Variants in FTCDNL1 observed in about 807,000 individuals in gnomAD.
FTCDNL1 encodes formiminotransferase N-terminal subdomain-containing protein.
A neutral mutation model predicts 5.9 loss-of-function variants in FTCDNL1; 11 were observed. That is an observed-to-expected ratio of 1.87 (90% CI 1.18 to 3.10). The LOEUF (loss-of-function observed/expected upper bound fraction) is 3.10, where lower values mean the gene tolerates loss of function less well. Among genes scored for constraint, FTCDNL1 ranks in the 30% most tolerant of loss-of-function variants. FTCDNL1 has a pLI of 0.00. For synonymous variants in FTCDNL1, 58 were observed against 24.8 expected (o/e 2.34, Z -3.99); for missense variants, 115 against 65.5 (o/e 1.76, Z -2.61).
At chr2:199,799,842 T>A (rs1218994158) in intron 3 of FTCDNL1, among the ~76,000 whole-genome samples, 1 of 152,138 alleles carries the variant, frequency 6.6e-6, no homozygotes, top group Non-Finnish European at 1.5e-5. Context: ...GACCCTTCCT[T>A]TGCTGAGCAG....
intron 3 of FTCDNL1, among the ~76,000 whole-genome samples, chr2:199,778,037 G>A (rs562119408): frequency 6.6e-6 from 1 of 152,260 alleles, no homozygotes; most frequent in African/African-American, 2.4e-5. Flanking sequence ...ATTAACCAAA[G>A]TAGGTTTGAC....
At chr2:199,734,700 A>T in the FTCDNL1 span, among the ~76,000 whole-genome samples, 1 of 152,214 alleles carries the variant, frequency 6.6e-6, no homozygotes, top group South Asian at 2.1e-4. Context: ...GGTTCCTGAG[A>T]ATACAGAATT....
chr2:199,764,776 C>T (rs1329418789), intron 3 of FTCDNL1, among the ~76,000 whole-genome samples: 1 of 152,132 alleles, frequency 6.6e-6, no homozygotes, highest in Non-Finnish European at 1.5e-5. Flanking sequence ...ACCTGGAATC[C>T]AGATGAGCTT....
chr2:199,689,536 T>C, the FTCDNL1 span, among the ~76,000 whole-genome samples: 4 of 152,304 alleles, frequency 2.6e-5, no homozygotes, highest in Admixed American at 2.6e-4. Context: ...TCCATTGAAC[T>C]ACAGAAACAG....
chr2:199,679,849 A>G, the FTCDNL1 span, among the ~76,000 whole-genome samples: 1 of 152,260 alleles, frequency 6.6e-6, no homozygotes, highest in South Asian at 2.1e-4. Context: ...TTACTACTAA[A>G]TTATTACTTT....
chr2:199,687,360 C>A, the FTCDNL1 span, among the ~76,000 whole-genome samples: 1 of 152,174 alleles, frequency 6.6e-6, no homozygotes. Context: ...ACACTTGCAA[C>A]ATACCAATGT....
the FTCDNL1 span, among the ~76,000 whole-genome samples, chr2:199,692,578 G>C: frequency 2.6e-5 from 4 of 152,136 alleles, no homozygotes; most frequent in African/African-American, 9.7e-5. Context: ...TTGGTATATA[G>C]ATCTACCATT....
chr2:199,833,443 T>C (rs1204213090), intron 3 of FTCDNL1, among the ~76,000 whole-genome samples: 1 of 152,216 alleles, frequency 6.6e-6, no homozygotes, highest in Non-Finnish European at 1.5e-5. Flanking sequence ...TGCTCCCCGT[T>C]TGTTAAGGAC....
the FTCDNL1 span, among the ~76,000 whole-genome samples, chr2:199,701,353 C>A: frequency 0.034 from 2,804 of 82,044 alleles, 106 homozygotes; most frequent in Middle Eastern, 0.12. Context: ...AAAAAAAAAA[C>A]CACCGCATGC....
At chr2:199,764,468 CAT>C (rs1012329588) in intron 3 of FTCDNL1, among the ~76,000 whole-genome samples, 1 of 152,198 alleles carries the variant, frequency 6.6e-6, no homozygotes, top group Admixed American at 6.5e-5. Context: ...TCACCAAAGT[CAT>C]ATGCTGTGCT....
At chr2:199,747,348 G>A in the FTCDNL1 span, among the ~76,000 whole-genome samples, 9 of 152,130 alleles carry the variant, frequency 5.9e-5, no homozygotes, top group Admixed American at 2.0e-4. Context: ...TTGCATGGTC[G>A]TAGGGGCGCA....
intron 4 of FTCDNL1, among the ~76,000 whole-genome samples, chr2:199,815,658 A>G (rs867948999): frequency 1.3e-5 from 2 of 152,204 alleles, no homozygotes; most frequent in African/African-American, 4.8e-5. Context: ...TCTACCCTAA[A>G]GAAAGAGGTG....
chr2:199,682,625 C>T, the FTCDNL1 span, among the ~76,000 whole-genome samples: 1 of 152,238 alleles, frequency 6.6e-6, no homozygotes, highest in African/African-American at 2.4e-5. Context: ...TTTGTATGAG[C>T]AGGGTTGTAA....
intron 3 of FTCDNL1, among the ~76,000 whole-genome samples, chr2:199,832,858 C>T (rs1353328267): frequency 6.6e-6 from 1 of 152,016 alleles, no homozygotes; most frequent in Non-Finnish European, 1.5e-5. Context: ...TCCCATTTTA[C>T]AGATACAAAA....
intron 3 of FTCDNL1, among the ~76,000 whole-genome samples, chr2:199,766,146 T>C (rs771696574): frequency 6.6e-6 from 1 of 152,238 alleles, no homozygotes; most frequent in Non-Finnish European, 1.5e-5. Flanking sequence ...CTGGAAGTGC[T>C]CTCAATGCAA....
At chr2:199,736,328 T>G in the FTCDNL1 span, among the ~76,000 whole-genome samples, 1 of 152,196 alleles carries the variant, frequency 6.6e-6, no homozygotes, top group South Asian at 2.1e-4. Context: ...TCCATGAGCT[T>G]CCTTGGATCA....
chr2:199,795,585 CT>C (rs1700133980), intron 3 of FTCDNL1, among the ~76,000 whole-genome samples: 2 of 152,210 alleles, frequency 1.3e-5, no homozygotes, highest in African/African-American at 4.8e-5. Context: ...ATTCACAGCT[CT>C]GTTTCTTATA....
intron 3 of FTCDNL1, among the ~76,000 whole-genome samples, chr2:199,837,286 A>G (rs1702815310): frequency 6.6e-6 from 1 of 152,114 alleles, no homozygotes; most frequent in Admixed American, 6.5e-5. Context: ...GTTTTCTAAG[A>G]TTTTTCTATG....
At chr2:199,785,249 C>CTTTCTTTTTTTTTTT (rs1699576178) in intron 3 of FTCDNL1, among the ~76,000 whole-genome samples, 1 of 76,866 alleles carries the variant, frequency 1.3e-5, no homozygotes, top group Non-Finnish European at 2.2e-5. Flanking sequence ...TTCCAAATTC[C>CTTTCTTTTTTTTTTT]TTTTTTTTTT....
Sources: gnomAD v4.1 joint callset for allele counts (sites outside exome capture counted in the v4.1 genomes callset) on GRCh38, gnomAD v4.1.1 for gene constraint, MANE v1.5 for transcripts, NCBI Gene and HGNC (gene_info 2026-07-23, HGNC 2026-07-21) for gene names.